SPAG16: variants seen among roughly 807,000 people sequenced by gnomAD.
SPAG16 encodes sperm associated antigen 16.
SPAG16 carries 86 observed loss-of-function variants against 80.4 expected under a neutral mutation model. That is an observed-to-expected ratio of 1.07 (90% CI 0.90 to 1.28). SPAG16 has a LOEUF of 1.28. Among genes scored for constraint, SPAG16 ranks in the 50% most tolerant of loss-of-function variants. The pLI, the probability that SPAG16 is intolerant of heterozygous loss-of-function variation, is 0.00. For missense variants in SPAG16, 870 were observed against 765.3 expected (o/e 1.14, Z -1.61); for synonymous variants, 294 against 265.9 (o/e 1.11, Z -1.03).
intron 12 of SPAG16, among the ~76,000 whole-genome samples, chr2:213,979,498 A>T (rs567747372): frequency 2.1e-3 from 318 of 152,188 alleles, no homozygotes; most frequent in Admixed American, 3.5e-3. Flanking sequence ...TCATGGCAGA[A>T]GTCAAAGGAG....
intron 9 of SPAG16, among the ~76,000 whole-genome samples, chr2:213,429,353 T>C (rs2070147442): frequency 6.6e-6 from 1 of 152,070 alleles, no homozygotes; most frequent in Non-Finnish European, 1.5e-5. Context: ...CCACCCAACT[T>C]GACCCCCACC....
At chr2:214,173,879 G>A (rs1006774357) in intron 15 of SPAG16, among the ~76,000 whole-genome samples, 1 of 151,960 alleles carries the variant, frequency 6.6e-6, no homozygotes, top group Non-Finnish European at 1.5e-5. Flanking sequence ...TATCCACCAT[G>A]ATCAAGTGGG....
intron 10 of SPAG16, among the ~76,000 whole-genome samples, chr2:213,567,503 A>T (rs1411046368): frequency 1.7e-5 from 2 of 118,296 alleles, no homozygotes; most frequent in African/African-American, 7.8e-5. Context: ...TGTTCTTGCG[A>T]TAGTTTACTG....
intron 10 of SPAG16, 94 bp downstream of exon 10, chr2:213,490,184 G>C: frequency 8.1e-7 from 1 of 1,234,354 alleles, no homozygotes; most frequent in Non-Finnish European, 1.1e-6. Flanking sequence ...GAAATGGTTT[G>C]CTTTTAGCCT....
chr2:213,378,599 A>G (rs1045886814), intron 9 of SPAG16, among the ~76,000 whole-genome samples: 2 of 152,234 alleles, frequency 1.3e-5, no homozygotes, highest in East Asian at 3.8e-4. Context: ...CAGTGTATAC[A>G]TGTACAACCA....
chr2:213,642,799 C>T (rs1213559372), intron 10 of SPAG16, among the ~76,000 whole-genome samples: 1 of 17,896 alleles, frequency 5.6e-5, no homozygotes, highest in Non-Finnish European at 9.0e-5. Flanking sequence ...CCAGCCTGGG[C>T]GACAGAGCGA....
intron 8 of SPAG16, among the ~76,000 whole-genome samples, chr2:213,367,654 T>C (rs1289692074): frequency 6.6e-6 from 1 of 151,890 alleles, no homozygotes; most frequent in African/African-American, 2.4e-5. Flanking sequence ...TTCTTGTAAA[T>C]TGGTTTGAGT....
chr2:213,546,798 C>T (rs1326423571), intron 10 of SPAG16, among the ~76,000 whole-genome samples: 5 of 152,016 alleles, frequency 3.3e-5, no homozygotes, highest in Non-Finnish European at 7.4e-5. Flanking sequence ...AGACTTGTAA[C>T]GGTTAGTAGG....
At chr2:214,114,312 C>G (rs2053824357) in intron 14 of SPAG16, among the ~76,000 whole-genome samples, 1 of 152,208 alleles carries the variant, frequency 6.6e-6, no homozygotes, top group Non-Finnish European at 1.5e-5. Flanking sequence ...GGCAGGCTGT[C>G]CATTCTCAGA....
intron 11 of SPAG16, among the ~76,000 whole-genome samples, chr2:213,916,485 A>G (rs10174075): frequency 0.59 from 88,972 of 152,068 alleles, 27,846 homozygotes; most frequent in South Asian, 0.84. Flanking sequence ...ATCTGTTTTG[A>G]TAACAGTACC....
At chr2:213,385,803 C>CAT (rs1222804630) in intron 9 of SPAG16, among the ~76,000 whole-genome samples, 1 of 151,804 alleles carries the variant, frequency 6.6e-6, no homozygotes, top group Non-Finnish European at 1.5e-5. Context: ...CACACACACA[C>CAT]ACACACACAC....
intron 9 of SPAG16, among the ~76,000 whole-genome samples, chr2:213,446,713 G>T (rs1268277377): frequency 6.6e-6 from 1 of 152,176 alleles, no homozygotes; most frequent in Non-Finnish European, 1.5e-5. Flanking sequence ...GGATGCTCCT[G>T]CGGAAATCTA....
intron 12 of SPAG16, among the ~76,000 whole-genome samples, chr2:213,992,330 T>C (rs936133672): frequency 6.6e-6 from 1 of 152,182 alleles, no homozygotes; most frequent in African/African-American, 2.4e-5. Flanking sequence ...CTTAACTGTT[T>C]GCATTTATGG....
chr2:213,415,159 G>A (rs548380025), intron 9 of SPAG16, among the ~76,000 whole-genome samples: 35 of 152,338 alleles, frequency 2.3e-4, no homozygotes, highest in African/African-American at 8.2e-4. Flanking sequence ...AAAGCTTGAT[G>A]GGTAGGCAGG....
At chr2:213,469,584 T>TTG (rs1395677915) in intron 9 of SPAG16, among the ~76,000 whole-genome samples, 4 of 147,506 alleles carry the variant, frequency 2.7e-5, no homozygotes, top group Non-Finnish European at 6.0e-5. Flanking sequence ...TTTTTTTTTT[T>TTG]TTTTTTTTTT....
intron 13 of SPAG16, among the ~76,000 whole-genome samples, chr2:214,036,686 A>C (rs1382340948): frequency 6.6e-6 from 1 of 152,162 alleles, no homozygotes; most frequent in Non-Finnish European, 1.5e-5. Flanking sequence ...ATATTCACTT[A>C]CATGTTTAAT....
At chr2:214,382,086 A>G (rs546625746) in intron 15 of SPAG16, among the ~76,000 whole-genome samples, 1 of 152,340 alleles carries the variant, frequency 6.6e-6, no homozygotes, top group South Asian at 2.1e-4. Flanking sequence ...CAGCAACAGA[A>G]TCATTGAATA....
intron 15 of SPAG16, among the ~76,000 whole-genome samples, chr2:214,175,923 T>C (rs1012569440): frequency 1.3e-5 from 2 of 151,370 alleles, no homozygotes; most frequent in African/African-American, 4.8e-5. Context: ...TGTTTGGTTG[T>C]GGGGAATGGG....
At chr2:213,393,187 T>A (rs2067855900) in intron 9 of SPAG16, among the ~76,000 whole-genome samples, 2 of 151,752 alleles carry the variant, frequency 1.3e-5, no homozygotes, top group Admixed American at 1.3e-4. Context: ...AATGCATAAC[T>A]GAGACTGCAG....
Sources: allele counts gnomAD v4.1 joint callset (sites outside exome capture counted in the v4.1 genomes callset), GRCh38; gene constraint gnomAD v4.1.1; transcripts MANE v1.5; gene names NCBI Gene and HGNC (gene_info 2026-07-23, HGNC 2026-07-21).